ACYP2: variants seen among roughly 807,000 people sequenced by gnomAD.
ACYP2 encodes acylphosphatase-2.
Under a neutral mutation model 11.2 loss-of-function variants are expected in ACYP2, and 12 were observed. The observed-to-expected ratio is 1.08, with a 90% CI of 0.69 to 1.74. The LOEUF (loss-of-function observed/expected upper bound fraction) is 1.74, where lower values mean the gene tolerates loss of function less well. ACYP2 is among the 40% of genes most tolerant of loss of function. The pLI, the probability that ACYP2 is intolerant of heterozygous loss-of-function variation, is 0.00. For synonymous variants in ACYP2, 43 were observed against 32.2 expected, an observed-to-expected ratio of 1.33 and a Z score of -1.13; for missense variants, 134 against 101.9, an observed-to-expected ratio of 1.31 and a Z score of -1.35.
At chr2:54,189,785 C>T (rs1181084873) in intron 6 of ACYP2, among the ~76,000 whole-genome samples, 1 of 152,136 alleles carries the variant, frequency 6.6e-6, no homozygotes, top group Non-Finnish European at 1.5e-5. Flanking sequence ...AGCCTCCCTA[C>T]TGTTTTACAT....
chr2:54,020,045 T>C (rs1273874123), intron 2 of ACYP2, among the ~76,000 whole-genome samples: 1 of 152,046 alleles, frequency 6.6e-6, no homozygotes, highest in African/African-American at 2.4e-5. Context: ...CAAGGGATTC[T>C]CCTGCCTCAG....
intron 4 of ACYP2, among the ~76,000 whole-genome samples, chr2:54,114,248 C>T (rs1679615186): frequency 6.6e-6 from 1 of 152,088 alleles, no homozygotes; most frequent in South Asian, 2.1e-4. Context: ...GGCAGATTAT[C>T]AATAGCTGTA....
At chr2:54,046,560 T>G (rs550170077) in intron 2 of ACYP2, among the ~76,000 whole-genome samples, 30 of 151,262 alleles carry the variant, frequency 2.0e-4, no homozygotes, top group Non-Finnish European at 3.5e-4. Flanking sequence ...CTCTCATGGA[T>G]CAACATAAGA....
chr2:54,021,609 C>T (rs538743075), intron 2 of ACYP2, among the ~76,000 whole-genome samples: 23 of 152,230 alleles, frequency 1.5e-4, no homozygotes, highest in East Asian at 5.8e-4. Context: ...GGCTCTGAAG[C>T]GCAAAAGTGG....
At chr2:53,996,388 G>T (rs6746965) in intron 2 of ACYP2, among the ~76,000 whole-genome samples, 2 of 151,952 alleles carry the variant, frequency 1.3e-5, no homozygotes, top group Admixed American at 6.6e-5. Context: ...AAAGCCTTCA[G>T]ATCTGGATGC....
At chr2:54,043,494 G>C (rs1226157323) in intron 2 of ACYP2, among the ~76,000 whole-genome samples, 1 of 152,122 alleles carries the variant, frequency 6.6e-6, no homozygotes, top group Non-Finnish European at 1.5e-5. Context: ...GCCCTGCAGG[G>C]CATTGATATG....
chr2:54,239,711 A>G (rs1439685990), intron 6 of ACYP2, among the ~76,000 whole-genome samples: 3 of 152,218 alleles, frequency 2.0e-5, no homozygotes, highest in Admixed American at 2.0e-4. Flanking sequence ...CAGCTGAACT[A>G]AAATTTAATA....
At chr2:54,178,154 A>G (rs1683547555) in intron 6 of ACYP2, among the ~76,000 whole-genome samples, 1 of 152,142 alleles carries the variant, frequency 6.6e-6, no homozygotes, top group African/African-American at 2.4e-5. Context: ...TGATTCTTCT[A>G]AAACATGATT....
chr2:54,061,112 T>G (rs1676448352), intron 4 of ACYP2, among the ~76,000 whole-genome samples: 1 of 152,202 alleles, frequency 6.6e-6, no homozygotes. Context: ...TGCCTTGGCC[T>G]CCCAAAGTGC....
chr2:54,135,819 G>C (rs1366255094), intron 5 of ACYP2, among the ~76,000 whole-genome samples: 1 of 152,204 alleles, frequency 6.6e-6, no homozygotes, highest in Admixed American at 6.5e-5. Flanking sequence ...ATGTTGCACT[G>C]CAAAACAAAA....
chr2:54,251,705 G>A (rs770229263), intron 6 of ACYP2, among the ~76,000 whole-genome samples: 2 of 152,194 alleles, frequency 1.3e-5, no homozygotes, highest in Non-Finnish European at 2.9e-5. Flanking sequence ...GGAAGACCAT[G>A]TCTCCAGAGC....
chr2:54,108,141 A>G (rs1171176745), intron 4 of ACYP2, among the ~76,000 whole-genome samples: 4 of 152,250 alleles, frequency 2.6e-5, no homozygotes, highest in Admixed American at 6.5e-5. Flanking sequence ...GACTGTGCTT[A>G]TCACAGAACC....
chr2:54,014,318 T>G (rs916129565), intron 2 of ACYP2, among the ~76,000 whole-genome samples: 2 of 152,074 alleles, frequency 1.3e-5, no homozygotes, highest in African/African-American at 4.8e-5. Flanking sequence ...TATTTCTTTT[T>G]TTACCTTTCT....
intron 2 of ACYP2, among the ~76,000 whole-genome samples, chr2:53,981,906 T>C (rs1671783096): frequency 6.6e-6 from 1 of 152,222 alleles, no homozygotes; most frequent in Non-Finnish European, 1.5e-5. Flanking sequence ...TATTTAATGA[T>C]AAAAAATTTA....
At chr2:54,222,852 A>T (rs1157654056) in intron 6 of ACYP2, 2 of 152,164 alleles carry the variant, frequency 1.3e-5, no homozygotes, top group Non-Finnish European at 2.9e-5. Flanking sequence ...AGTTTCTACC[A>T]GACATACCTT....
At chr2:53,994,570 C>CTATG (rs1438972100) in intron 2 of ACYP2, among the ~76,000 whole-genome samples, 3 of 149,240 alleles carry the variant, frequency 2.0e-5, no homozygotes, top group Non-Finnish European at 4.4e-5. Flanking sequence ...CTGGGGTGGA[C>CTATG]TATGAGAGGC....
chr2:54,160,557 G>A (rs1022123042), intron 6 of ACYP2, among the ~76,000 whole-genome samples: 2 of 152,182 alleles, frequency 1.3e-5, no homozygotes, highest in Non-Finnish European at 2.9e-5. Context: ...CACAGTACCT[G>A]GCACATAGAG....
intron 5 of ACYP2, among the ~76,000 whole-genome samples, chr2:54,137,975 C>T (rs1436773104): frequency 1.3e-5 from 2 of 152,258 alleles, no homozygotes; most frequent in African/African-American, 2.4e-5. Flanking sequence ...AATCGCCATT[C>T]TGACTGGTGT....
intron 2 of ACYP2, among the ~76,000 whole-genome samples, chr2:54,034,705 T>C (rs1473539900): frequency 6.6e-6 from 1 of 152,026 alleles, no homozygotes; most frequent in African/African-American, 2.4e-5. Context: ...ATATCAATAG[T>C]GTAATGGTTA....
Sources: gnomAD v4.1 joint callset for allele counts (sites outside exome capture counted in the v4.1 genomes callset) on GRCh38, gnomAD v4.1.1 for gene constraint, MANE v1.5 for transcripts, NCBI Gene and HGNC (gene_info 2026-07-23, HGNC 2026-07-21) for gene names.